The following TENM2 variants were observed in gnomAD, a reference collection of about 807,000 sequenced individuals.
The protein encoded by TENM2 is teneurin transmembrane protein 2.
A neutral mutation model predicts 245.2 loss-of-function variants in TENM2; 52 were observed. The ratio of observed to expected loss-of-function variants is 0.21; its 90% CI spans 0.17 to 0.27. The LOEUF (loss-of-function observed/expected upper bound fraction) is 0.27. Ranked by LOEUF, TENM2 falls within the 10% of genes least tolerant of loss-of-function variation. The probability of loss-of-function intolerance (pLI) is 1.00; values close to 1 mark genes in which losing one functional copy is unlikely to be tolerated. For synonymous variants in TENM2, 1,363 were observed against 1,438.9 expected (o/e 0.95, Z 1.19); for missense variants, 3,046 against 3,666.8 (o/e 0.83, Z 4.37).
intron 13 of TENM2, among the ~76,000 whole-genome samples, chr5:168,169,248 G>C (rs538668065): frequency 3.1e-4 from 47 of 152,302 alleles, no homozygotes; most frequent in African/African-American, 1.1e-3. Flanking sequence ...AGTAACCCGT[G>C]GTAGAGGCTC....
intron 2 of TENM2, among the ~76,000 whole-genome samples, chr5:167,378,362 T>C (rs1190559110): frequency 6.9e-6 from 1 of 144,428 alleles, no homozygotes; most frequent in African/African-American, 2.7e-5. Context: ...AACCTGTCTT[T>C]CTTTTCTTTC....
intron 7 of TENM2, among the ~76,000 whole-genome samples, chr5:168,070,793 A>AGAG (rs1790925088): frequency 7.8e-5 from 7 of 89,354 alleles, no homozygotes; most frequent in Non-Finnish European, 1.7e-4. Flanking sequence ...GAAAGAAAGA[A>AGAG]AGAGAGAGAG....
intron 1 of TENM2, among the ~76,000 whole-genome samples, chr5:167,353,680 T>G (rs1759120536): frequency 6.6e-6 from 1 of 151,650 alleles, no homozygotes; most frequent in Non-Finnish European, 1.5e-5. Context: ...GCTAATTTTT[T>G]GTATTTTTAG....
rs1259847859 is a variant in TENM2, at chr5:167,418,176, A to G, written c.502+42703A>G. Among the ~76,000 whole-genome samples the G allele has an allele frequency of 2.6e-5, 4 of 152,184 alleles. No individual in the cohort carries two copies. The East Asian group carries it at 7.8e-4, about 30-fold the overall frequency. On this transcript the variant is annotated intron_variant, in intron 2 of 28. Coordinates refer to ENST00000518659, the Ensembl canonical transcript of TENM2. ...GAAACCCCATCTCTAATAAAAATAC[A>G]AAATTAGCAGGGTGTGGTGGCACAT...
chr5:167,779,201 G>A (rs1764014747), intron 2 of TENM2, among the ~76,000 whole-genome samples: 1 of 152,196 alleles, frequency 6.6e-6, no homozygotes, highest in African/African-American at 2.4e-5. Context: ...TGTGCTGCAT[G>A]TTGTAAGTAG....
At chr5:168,229,059 AATGTATAATTAT>A (rs991377251) in intron 25 of TENM2, among the ~76,000 whole-genome samples, 14 of 148,214 alleles carry the variant, frequency 9.4e-5, no homozygotes, top group South Asian at 2.1e-4. Context: ...ATATATAATT[AATGTATAATTAT>A]ATGTATAATT....
chr5:167,446,834 C>G (rs77631446), intron 2 of TENM2, among the ~76,000 whole-genome samples: 9 of 149,532 alleles, frequency 6.0e-5, no homozygotes, highest in African/African-American at 2.2e-4. Flanking sequence ...CACAGACATA[C>G]ATACAGATAC....
At chr5:167,149,292 A>G in the TENM2 span, among the ~76,000 whole-genome samples, 1 of 152,130 alleles carries the variant, frequency 6.6e-6, no homozygotes, top group Non-Finnish European at 1.5e-5. Context: ...GCCCAGGATA[A>G]TCTGGCATGA....
chr5:167,605,016 G>C (rs1019123900), intron 2 of TENM2, among the ~76,000 whole-genome samples: 1 of 152,180 alleles, frequency 6.6e-6, no homozygotes, highest in East Asian at 1.9e-4. Flanking sequence ...TTGGAGGCAC[G>C]AGGCAAGGTG....
chr5:167,530,157 A>C (rs922238933), intron 2 of TENM2, among the ~76,000 whole-genome samples: 1 of 152,212 alleles, frequency 6.6e-6, no homozygotes, highest in African/African-American at 2.4e-5. Flanking sequence ...GAGCAATTTG[A>C]TATAACCAGG....
At chr5:168,150,131 C>G (rs1756508437) in intron 12 of TENM2, among the ~76,000 whole-genome samples, 1 of 152,204 alleles carries the variant, frequency 6.6e-6, no homozygotes, top group African/African-American at 2.4e-5. Flanking sequence ...GGTCTCCTCA[C>G]TGTAGAATGT....
chr5:167,580,795 C>A (rs1775036263), intron 2 of TENM2, among the ~76,000 whole-genome samples: 1 of 152,168 alleles, frequency 6.6e-6, no homozygotes. Flanking sequence ...TTGAGACCAG[C>A]CTGGCCAACA....
intron 2 of TENM2, among the ~76,000 whole-genome samples, chr5:167,605,468 C>T (rs1312214970): frequency 1.3e-5 from 2 of 152,088 alleles, no homozygotes; most frequent in Non-Finnish European, 2.9e-5. Flanking sequence ...ACTGTTCATC[C>T]CAAAGTTCTC....
At chr5:167,174,951 T>G in the TENM2 span, among the ~76,000 whole-genome samples, 3 of 152,276 alleles carry the variant, frequency 2.0e-5, no homozygotes, top group East Asian at 5.8e-4. Flanking sequence ...CTAATTTCGC[T>G]TAGCACAATG....
intron 2 of TENM2, among the ~76,000 whole-genome samples, chr5:167,745,457 T>C (rs1483763431): frequency 6.6e-6 from 1 of 152,162 alleles, no homozygotes; most frequent in East Asian, 1.9e-4. Context: ...TGTAGGGAGA[T>C]TTCTTACTGC....
intron 3 of TENM2, among the ~76,000 whole-genome samples, chr5:167,888,020 C>T (rs191149774): frequency 6.6e-6 from 1 of 152,128 alleles, no homozygotes; most frequent in Non-Finnish European, 1.5e-5. Context: ...AACTCTCTCT[C>T]CTTATAGGGA....
the TENM2 span, among the ~76,000 whole-genome samples, chr5:167,113,030 A>G: frequency 1.6e-4 from 24 of 152,324 alleles, no homozygotes; most frequent in Admixed American, 3.3e-4. Context: ...AGATGTGTAT[A>G]TAAGGGAGTT....
At chr5:167,649,908 T>C (rs549249769) in intron 2 of TENM2, among the ~76,000 whole-genome samples, 2 of 152,322 alleles carry the variant, frequency 1.3e-5, no homozygotes, top group South Asian at 4.1e-4. Context: ...TTTCTAGTTT[T>C]TCAAATGGAA....
the TENM2 span, among the ~76,000 whole-genome samples, chr5:167,254,449 C>T: frequency 6.6e-6 from 1 of 152,146 alleles, no homozygotes; most frequent in Admixed American, 6.5e-5. Context: ...CATCCCTCCA[C>T]CCAGCTATCC....
Sources: gnomAD v4.1 joint callset for allele counts (sites outside exome capture counted in the v4.1 genomes callset) on GRCh38, gnomAD v4.1.1 for gene constraint, MANE v1.5 for transcripts, NCBI Gene and HGNC (gene_info 2026-07-23, HGNC 2026-07-21) for gene names.